The following CREBBP variants were observed in gnomAD, a reference collection of about 807,000 sequenced individuals.
CREBBP encodes the protein CREB binding lysine acetyltransferase.
Under a neutral mutation model 265.0 loss-of-function variants are expected in CREBBP, and 19 were observed. That is an observed-to-expected ratio of 0.07 (90% CI 0.05 to 0.11). CREBBP has a LOEUF of 0.11. Ranked by LOEUF, CREBBP falls within the 10% of genes least tolerant of loss-of-function variation. The probability of loss-of-function intolerance (pLI) is 1.00; values close to 1 mark genes in which losing one functional copy is unlikely to be tolerated. For missense variants in CREBBP, 2,525 were observed against 3,219.0 expected (o/e 0.78, Z 5.22); for synonymous variants, 1,457 against 1,223.7 (o/e 1.19, Z -3.98).
At chr16:3,878,233 C>G (rs1463277175) in intron 1 of CREBBP, among the ~76,000 whole-genome samples, 1 of 152,220 alleles carries the variant, frequency 6.6e-6, no homozygotes, top group African/African-American at 2.4e-5. Flanking sequence ...GAACTGAAGA[C>G]TACTCAAACA....
intron 16 of CREBBP, among the ~76,000 whole-genome samples, chr16:3,765,276 G>A (rs1014832184): frequency 5.1e-4 from 78 of 151,568 alleles, no homozygotes; most frequent in African/African-American, 1.8e-3. Flanking sequence ...GCGTCTGGCC[G>A]CCTGGTACAT....
intron 9 of CREBBP, 69 bp downstream of exon 9, chr16:3,778,631 A>T: frequency 8.0e-7 from 1 of 1,254,944 alleles, no homozygotes; most frequent in Non-Finnish European, 1.2e-6. Context: ...CCAGATAACA[A>T]AGCAGACAAA....
At chr16:3,769,682 T>A (rs1283071941) in intron 14 of CREBBP, among the ~76,000 whole-genome samples, 1 of 152,190 alleles carries the variant, frequency 6.6e-6, no homozygotes, top group Non-Finnish European at 1.5e-5. Flanking sequence ...AATATGGTGG[T>A]TAATGTGTAT....
At chr16:3,852,893 G>A (rs1039934655) in intron 1 of CREBBP, among the ~76,000 whole-genome samples, 2 of 151,562 alleles carry the variant, frequency 1.3e-5, no homozygotes, top group East Asian at 1.9e-4. Flanking sequence ...AACCCACAAC[G>A]GCCAGGCTAT....
intron 16 of CREBBP, chr16:3,767,468 G>T: frequency 6.8e-6 from 4 of 585,776 alleles, no homozygotes; most frequent in South Asian, 6.2e-5. Flanking sequence ...ACCATCAGAA[G>T]ACAGCTCTGC....
chr16:3,875,557 C>T (rs2055383270), intron 1 of CREBBP, among the ~76,000 whole-genome samples: 1 of 152,204 alleles, frequency 6.6e-6, no homozygotes, highest in Non-Finnish European at 1.5e-5. Flanking sequence ...CAGGTGGTTA[C>T]AAACCTCCCC....
At chr16:3,803,237 C>T (rs2053755442) in intron 3 of CREBBP, among the ~76,000 whole-genome samples, 1 of 88,046 alleles carries the variant, frequency 1.1e-5, no homozygotes, top group African/African-American at 4.5e-5. Context: ...GCCTGTAATC[C>T]CAGCACTTTG....
intron 1 of CREBBP, among the ~76,000 whole-genome samples, chr16:3,861,332 G>GA (rs1344280415): frequency 1.3e-5 from 2 of 152,214 alleles, no homozygotes; most frequent in Admixed American, 1.3e-4. Flanking sequence ...GATCGTTGAT[G>GA]AAAGAATTAA....
At chr16:3,828,102 T>TAGACAGA (rs1483957160) in intron 2 of CREBBP, among the ~76,000 whole-genome samples, 3 of 152,080 alleles carry the variant, frequency 2.0e-5, no homozygotes, top group Non-Finnish European at 4.4e-5. Context: ...TTTTTTGTTT[T>TAGACAGA]GTTTTTGAGA....
chr16:3,783,247 C>T (rs1209015298), intron 5 of CREBBP, among the ~76,000 whole-genome samples: 1 of 152,130 alleles, frequency 6.6e-6, no homozygotes, highest in Non-Finnish European at 1.5e-5. Context: ...GAAGTCAGTT[C>T]CAGGGAGTGG....
intron 2 of CREBBP, among the ~76,000 whole-genome samples, chr16:3,817,039 T>TGGAGTGGACA (rs948898050): frequency 6.6e-6 from 1 of 152,160 alleles, no homozygotes; most frequent in Non-Finnish European, 1.5e-5. Flanking sequence ...AGCTACCAGT[T>TGGAGTGGACA]GGAGTGGACA....
intron 27 of CREBBP, 31 bp from the exon 28 acceptor site, chr16:3,736,234 G>A (rs80113926): frequency 7.0e-5 from 112 of 1,609,796 alleles, no homozygotes; most frequent in Middle Eastern, 6.6e-4. Flanking sequence ...AGTGAGATGA[G>A]GGCCATGCAC....
At chr16:3,832,919 T>C (rs1597021567) in intron 2 of CREBBP, among the ~76,000 whole-genome samples, 1 of 151,898 alleles carries the variant, frequency 6.6e-6, no homozygotes, top group East Asian at 1.9e-4. Flanking sequence ...CTATGATTCA[T>C]CTCAATAAAT....
chr16:3,814,386 T>C (rs1228094661), intron 2 of CREBBP, among the ~76,000 whole-genome samples: 1 of 152,018 alleles, frequency 6.6e-6, no homozygotes, highest in Admixed American at 6.6e-5. Flanking sequence ...TCCCAAGTAG[T>C]TGAGTTCACA....
At chr16:3,785,306 C>T (rs150847726) in intron 5 of CREBBP, among the ~76,000 whole-genome samples, 60 of 152,370 alleles carry the variant, frequency 3.9e-4, no homozygotes, top group African/African-American at 1.2e-3. Flanking sequence ...TTCACTCACT[C>T]ACGTGACAGA....
chr16:3,731,317 G>A lies in CREBBP; in HGVS notation c.5047C>T (p.Arg1683Cys), dbSNP rs766953370. ...DKHWEFSSLR[R>C]SKWSTLCMLV... ...ATGCAGAGCGTGGACCACTTGGAGCGGCGCAAGGAGGAGAACTCCCAGTGC... is the reference window on the plus strand; with the variant it reads ...ATGCAGAGCGTGGACCACTTGGAGCAGCGCAAGGAGGAGAACTCCCAGTGC... Residue 1683 changes from arginine to cysteine, a missense_variant, in exon 30 of 31, where the codon CGC becomes TGC. By Grantham distance (180) the Arg-to-Cys change is radical. Around this residue, in one of 19 missense-constraint regions of CREBBP, gnomAD observed 62 missense variants for 156.2 expected, o/e 0.40. Coordinates refer to ENST00000262367, the MANE Select transcript of CREBBP (RefSeq NM_004380.3). The surrounding 1 kb of genome is among the most constrained non-coding windows in gnomAD (Gnocchi z 7.7). 4 of 1,614,156 alleles carry A rather than the reference G, an allele frequency of 2.5e-6. No homozygotes were observed. The highest frequency in any genetic ancestry group is 2.5e-6 in the Non-Finnish European group (3 of 1,180,016).
rs930858358 is a variant in CREBBP at position 3,840,008 on chromosome 16, G to A, written c.798+10289C>T. Among the ~76,000 whole-genome samples the A allele has an allele frequency of 1.4e-4, 22 of 152,106 alleles. 1 individual carries two copies. The highest frequency in any genetic ancestry group is 5.3e-4 in the African/African-American group (22 of 41,418). On this transcript the variant is annotated intron_variant, in intron 2 of 30. Transcript: ENST00000262367. ...AATAAGATCCCTGAGCCAGTCCTAG[G>A]CTACTTAACATGTCTACTAAACAGC...
rs750967654 is a variant in CREBBP at position 3,770,882 on chromosome 16, T to A, written c.2568A>T (p.Thr856=). The A allele has an allele frequency of 6.2e-7, 1 of 1,613,426 alleles. No homozygotes were observed. Among genetic ancestry groups the A allele is most frequent in the Admixed American group, 1.7e-5 (1 of 59,956 alleles). The change falls in exon 14 of 31, where the codon ACA becomes ACT. Residue 856 remains threonine, a synonymous_variant. Transcript: ENST00000262367. ...PPVTQSPLHP[T]PPPASTAAGM... The stretch of plus-strand genomic sequence containing the variant: ...CAGCAGCCGTGGAAGCAGGAGGCGG[T>A]GTTGGGTGCAGTGGTGACTGTGTCA...
Position 3,782,963 on chromosome 16 carries a change from G to A in CREBBP, c.1331-37C>T, listed in dbSNP as rs780402852. Reference sequence around the variant, plus strand: ...AACAGACAGACAGACAAAAACGAGAGGTAAGTAAAAGGGAGAAGCCCACGA... The same window carrying A: ...AACAGACAGACAGACAAAAACGAGAAGTAAGTAAAAGGGAGAAGCCCACGA... On this transcript the variant is annotated intron_variant, in intron 5 of 30. Transcript: ENST00000262367. The A allele has an allele frequency of 8.1e-6, 13 of 1,613,706 alleles. No homozygotes were observed. In the East Asian group the frequency reaches 2.7e-4, roughly 33 times the overall value.
Sources: allele counts gnomAD v4.1 joint callset (sites outside exome capture counted in the v4.1 genomes callset), GRCh38; gene constraint gnomAD v4.1.1; regional missense constraint gnomAD v4.1.1; non-coding constraint Gnocchi (gnomAD v3.1); transcripts MANE v1.5; gene names NCBI Gene and HGNC (gene_info 2026-07-23, HGNC 2026-07-21).